CNTLN: variants seen among roughly 807,000 people sequenced by gnomAD.
CNTLN encodes the protein centlein, centrosomal protein.
Under a neutral mutation model 180.0 loss-of-function variants are expected in CNTLN, and 212 were observed. The observed-to-expected ratio is 1.18, with a 90% confidence interval of 1.05 to 1.32. CNTLN has a LOEUF of 1.32. Ranked by LOEUF, CNTLN falls within the 40% of genes most tolerant of loss-of-function variation. The pLI, the probability that CNTLN is intolerant of heterozygous loss-of-function variation, is 0.00. For synonymous variants in CNTLN, 722 were observed against 563.1 expected, an observed-to-expected ratio of 1.28 and a Z score of -3.99; for missense variants, 2,095 against 1,610.9, an observed-to-expected ratio of 1.30 and a Z score of -5.14.
Position 17,143,372 on chromosome 9 carries a change from G to C in CNTLN, c.445G>C (p.Glu149Gln), listed in dbSNP as rs762344600. The change falls in exon 2 of 26, where the codon GAA (glutamate) becomes CAA (glutamine). Residue 149 changes from glutamate (E) to glutamine (Q), a missense_variant. Transcript: ENST00000380647. ...CACACAAGTGGTCAGTTTGGTTGTG[G>C]AAAGGTGAGCTCTCAAATTATTTTT... ...DLTQVVSLVV[E>Q]REKQKSEAKD... The C allele has an allele frequency of 1.2e-6, 2 of 1,612,374 alleles. No homozygotes were observed. Among genetic ancestry groups the C allele is most frequent in the South Asian group, 2.2e-5 (2 of 90,916 alleles).
chr9:17,409,169 C>T, intron 15 of CNTLN, 124 bp from the exon 16 acceptor site: 2 of 758,866 alleles, frequency 2.6e-6, no homozygotes, highest in Non-Finnish European at 4.3e-6. Context: ...CCAGTAAATG[C>T]CCACGTTAAA....
intron 13 of CNTLN, among the ~76,000 whole-genome samples, chr9:17,374,820 A>G (rs543994530): frequency 2.6e-5 from 4 of 151,780 alleles, no homozygotes; most frequent in Non-Finnish European, 5.9e-5. Context: ...AGATTATGCC[A>G]CTGCACTCCA....
At chr9:17,443,802 G>A (rs144735599) in intron 18 of CNTLN, among the ~76,000 whole-genome samples, 1 of 152,126 alleles carries the variant, frequency 6.6e-6, no homozygotes, top group Non-Finnish European at 1.5e-5. Context: ...CTTAAGTTTG[G>A]GGGAGTTATC....
At chr9:17,291,064 C>T (rs767992745) in intron 6 of CNTLN, among the ~76,000 whole-genome samples, 1 of 152,160 alleles carries the variant, frequency 6.6e-6, no homozygotes, top group Non-Finnish European at 1.5e-5. Context: ...ATTATATACC[C>T]AGGAGTCATT....
chr9:17,420,634 G>T (rs556641840), intron 18 of CNTLN, among the ~76,000 whole-genome samples: 8 of 151,892 alleles, frequency 5.3e-5, no homozygotes, highest in African/African-American at 1.7e-4. Context: ...AGTTCTTCAA[G>T]ATGCATCATT....
At chr9:17,202,655 T>G (rs75872960) in intron 2 of CNTLN, among the ~76,000 whole-genome samples, 4 of 107,810 alleles carry the variant, frequency 3.7e-5, no homozygotes, top group Non-Finnish European at 7.5e-5. Flanking sequence ...TGTTTTTTTT[T>G]TTTTTTTTTT....
intron 25 of CNTLN, among the ~76,000 whole-genome samples, chr9:17,489,481 G>T (rs546731610): frequency 3.9e-5 from 6 of 152,050 alleles, no homozygotes; most frequent in African/African-American, 7.2e-5. Context: ...TGCTGTATGT[G>T]ATCAAATCCT....
chr9:17,386,809 A>G lies in CNTLN; in HGVS notation c.1988-1353A>G, dbSNP rs1020298189. On this transcript the variant is annotated intron_variant, in intron 13 of 25. Transcript: ENST00000380647. ...GGCATCCCATGCTCTTTGAATATAG[A>G]ACTATTATTTTTAAGATGAAATATT... Among the ~76,000 whole-genome samples the G allele has an allele frequency of 3.9e-5, 6 of 152,310 alleles. 1 individual carries two copies. Among genetic ancestry groups the G allele is most frequent in the East Asian group, 1.9e-4 (1 of 5,186 alleles).
chr9:17,502,422 T>A (rs1833798689), intron 25 of CNTLN, 129 bp from the exon 26 acceptor site: 1 of 493,938 alleles, frequency 2.0e-6, no homozygotes, highest in Non-Finnish European at 3.6e-6. Flanking sequence ...AGAAAAGAGA[T>A]CCAGTAGGGT....
chr9:17,491,910 T>C (rs1006656092), intron 25 of CNTLN, among the ~76,000 whole-genome samples: 3 of 141,128 alleles, frequency 2.1e-5, no homozygotes, highest in African/African-American at 9.7e-5. Flanking sequence ...AATATACTAC[T>C]AGCCTGAAGG....
intron 2 of CNTLN, among the ~76,000 whole-genome samples, chr9:17,170,664 ATCTG>A (rs1022696840): frequency 4.0e-5 from 6 of 149,770 alleles, no homozygotes; most frequent in Non-Finnish European, 9.0e-5. Context: ...AATGATTTTT[ATCTG>A]TCTGTTTTCA....
At chr9:17,156,056 T>C (rs1247108530) in intron 2 of CNTLN, among the ~76,000 whole-genome samples, 2 of 152,218 alleles carry the variant, frequency 1.3e-5, no homozygotes, top group African/African-American at 2.4e-5. Context: ...CTCTGTGGGC[T>C]GCACCCACTG....
intron 15 of CNTLN, among the ~76,000 whole-genome samples, chr9:17,405,023 C>A (rs1827268668): frequency 6.6e-6 from 1 of 151,718 alleles, no homozygotes; most frequent in Non-Finnish European, 1.5e-5. Flanking sequence ...CAGATGTGAG[C>A]CACCGCGCCC....
Position 17,400,212 on chromosome 9 carries a change from A to T in CNTLN, c.2615+5143A>T, listed in dbSNP as rs186695071. Among the ~76,000 whole-genome samples the T allele has an allele frequency of 2.1e-3, 313 of 152,206 alleles. 1 individual carries two copies. The highest frequency in any genetic ancestry group is 7.2e-3 in the African/African-American group (298 of 41,532). ...GAGTGCAATGGCGTGGTCTCGGCTCACTGCAATCTCCATCTCCCAGGTTCA... is the reference window on the plus strand; with the variant it reads ...GAGTGCAATGGCGTGGTCTCGGCTCTCTGCAATCTCCATCTCCCAGGTTCA... On this transcript the variant is annotated intron_variant, in intron 15 of 25. Transcript: ENST00000380647.
intron 25 of CNTLN, among the ~76,000 whole-genome samples, chr9:17,490,910 A>G (rs1284417355): frequency 6.6e-6 from 1 of 152,108 alleles, no homozygotes; most frequent in Non-Finnish European, 1.5e-5. Flanking sequence ...GGCTGTAAAT[A>G]TGAGTAAATG....
intron 15 of CNTLN, among the ~76,000 whole-genome samples, chr9:17,395,403 A>C (rs1371165002): frequency 6.6e-6 from 1 of 152,156 alleles, no homozygotes; most frequent in Non-Finnish European, 1.5e-5. Context: ...TTGCATATTC[A>C]CCACTGACAG....
At chr9:17,268,056 C>T (rs1827626468) in intron 5 of CNTLN, among the ~76,000 whole-genome samples, 1 of 152,180 alleles carries the variant, frequency 6.6e-6, no homozygotes, top group African/African-American at 2.4e-5. Context: ...CATTCTCCAT[C>T]CAGCTTTGTT....
intron 5 of CNTLN, among the ~76,000 whole-genome samples, chr9:17,246,534 G>A (rs1469715929): frequency 1.3e-5 from 2 of 152,166 alleles, no homozygotes; most frequent in Non-Finnish European, 2.9e-5. Flanking sequence ...AAGGCCCATG[G>A]ATACCACTGT....
chr9:17,170,194 G>A (rs147944945), intron 2 of CNTLN, among the ~76,000 whole-genome samples: 161 of 152,186 alleles, frequency 1.1e-3, no homozygotes, highest in Admixed American at 2.9e-3. Flanking sequence ...GTATGTTTTA[G>A]TGTTATAGAA....
Sources: gnomAD v4.1 joint callset for allele counts (sites outside exome capture counted in the v4.1 genomes callset) on GRCh38, gnomAD v4.1.1 for gene constraint, MANE v1.5 for transcripts, NCBI Gene and HGNC (gene_info 2026-07-23, HGNC 2026-07-21) for gene names.